Variants in PLAC1 observed in about 807,000 individuals in gnomAD.
The protein encoded by PLAC1 is placenta associated 1, also known as placenta-specific protein 1.
For missense variants in PLAC1, 136 were observed against 163.2 expected, an observed-to-expected ratio of 0.83 and a Z score of 0.91; for synonymous variants, 68 against 62.1, an observed-to-expected ratio of 1.09 and a Z score of -0.44.
chrX:134,656,610 G>A (rs1318049371), intron 1 of PLAC1, among the ~76,000 whole-genome samples: 2 of 110,786 alleles, frequency 1.8e-5, no homozygotes, highest in Admixed American at 1.9e-4. Flanking sequence ...TTTGAGATGC[G>A]GTTGTGCTCT....
At chrX:134,578,487 G>A (rs1458822295) in intron 2 of PLAC1, among the ~76,000 whole-genome samples, 35 of 104,191 alleles carry the variant, frequency 3.4e-4, no homozygotes, top group Non-Finnish European at 6.1e-4. Flanking sequence ...CCTGGGGGTG[G>A]GGCAGTGGAA....
chrX:134,687,832 A>G (rs1466748613), intron 2 of PLAC1, among the ~76,000 whole-genome samples: 1 of 39,709 alleles, frequency 2.5e-5, no homozygotes, highest in African/African-American at 9.1e-5. Context: ...ATATATATAT[A>G]TATATATATA....
intron 2 of PLAC1, among the ~76,000 whole-genome samples, chrX:134,588,439 T>C (rs1453077338): frequency 9.1e-6 from 1 of 109,555 alleles, no homozygotes; most frequent in Non-Finnish European, 1.9e-5. Context: ...TTTTCTGTTA[T>C]GTGTGTGCTG....
At chrX:134,675,437 G>A (rs889205555) in intron 2 of PLAC1, among the ~76,000 whole-genome samples, 7 of 111,880 alleles carry the variant, frequency 6.3e-5, no homozygotes, top group East Asian at 2.8e-4. Context: ...AGGCCGAGGC[G>A]GGTGGATCAC....
chrX:134,622,245 G>A (rs982758817), intron 1 of PLAC1, among the ~76,000 whole-genome samples: 5 of 111,989 alleles, frequency 4.5e-5, no homozygotes, highest in Non-Finnish European at 9.4e-5. Context: ...GGTGCTGAGC[G>A]GGGACAGCCT....
At chrX:134,712,087 G>A (rs1056602157) in intron 2 of PLAC1, among the ~76,000 whole-genome samples, 2 of 111,550 alleles carry the variant, frequency 1.8e-5, no homozygotes, top group Non-Finnish European at 3.8e-5. Flanking sequence ...TCAAGCAGCA[G>A]TGGGAGAGTA....
intron 2 of PLAC1, among the ~76,000 whole-genome samples, chrX:134,689,870 TA>T (rs2078530553): frequency 8.9e-6 from 1 of 112,639 alleles, no homozygotes; most frequent in African/African-American, 3.2e-5. Flanking sequence ...AAAATATACA[TA>T]ACATAAAATT....
chrX:134,714,343 C>A (rs1334787404), intron 2 of PLAC1, among the ~76,000 whole-genome samples: 1 of 109,145 alleles, frequency 9.2e-6, no homozygotes, highest in Non-Finnish European at 1.9e-5. Flanking sequence ...CCCTCTCTCT[C>A]TCCCCTTCCC....
rs143832171 is a variant in PLAC1 at position 134,744,485 on chromosome X, G to T, written n.90-10966C>A. Among the ~76,000 whole-genome samples, 364 of 111,329 alleles carry T rather than the reference G, an allele frequency of 3.3e-3. 1 individual carries two copies. Among genetic ancestry groups the T allele is most frequent in the Middle Eastern group, 0.014 (3 of 218 alleles). ...ATTTCTCCAAGCCTCTGTTGCCACTGCTGTAAAATGGGAATTATCATAATA... is the reference window on the plus strand; with the variant it reads ...ATTTCTCCAAGCCTCTGTTGCCACTTCTGTAAAATGGGAATTATCATAATA... On this transcript the variant is annotated intron_variant and non_coding_transcript_variant, in intron 1 of 2. Transcript: ENST00000466797.
chrX:134,716,597 G>A (rs1199378078), intron 2 of PLAC1, among the ~76,000 whole-genome samples: 3 of 112,366 alleles, frequency 2.7e-5, no homozygotes, highest in Admixed American at 9.4e-5. Context: ...GCAAATGGAT[G>A]TATTATCCAG....
chrX:134,638,961 A>G (rs1482627543), intron 1 of PLAC1, among the ~76,000 whole-genome samples: 1 of 111,333 alleles, frequency 9.0e-6, no homozygotes, highest in African/African-American at 3.3e-5. Flanking sequence ...GTTAGGCCCC[A>G]GTGTCTGCTG....
intron 2 of PLAC1, among the ~76,000 whole-genome samples, chrX:134,690,599 T>C (rs1389511177): frequency 1.8e-5 from 2 of 110,501 alleles, no homozygotes; most frequent in Non-Finnish European, 3.8e-5. Flanking sequence ...GCTCCAGGTC[T>C]ACACCTTTTT....
chrX:134,687,992 C>T (rs1162834669), intron 2 of PLAC1, among the ~76,000 whole-genome samples: 2 of 104,930 alleles, frequency 1.9e-5, no homozygotes, highest in Non-Finnish European at 3.9e-5. Flanking sequence ...AGCCTGTAGA[C>T]TATCAAAAGT....
chrX:134,755,772 T>C (rs997487558), intron 1 of PLAC1, among the ~76,000 whole-genome samples: 2 of 110,511 alleles, frequency 1.8e-5, no homozygotes, highest in Non-Finnish European at 3.8e-5. Context: ...TCTTTATATG[T>C]TTGGGATATT....
chrX:134,634,324 T>C (rs1298044260), intron 1 of PLAC1, among the ~76,000 whole-genome samples: 1 of 112,055 alleles, frequency 8.9e-6, no homozygotes, highest in African/African-American at 3.2e-5. Flanking sequence ...TGAGTCTGAG[T>C]TATGCCTGGA....
intron 1 of PLAC1, among the ~76,000 whole-genome samples, chrX:134,652,569 G>A (rs936481240): frequency 1.8e-5 from 2 of 111,647 alleles, no homozygotes; most frequent in African/African-American, 6.5e-5. Flanking sequence ...GGGCTTGGGT[G>A]AGGAAAAGTA....
chrX:134,720,293 A>AC (rs2078654071), intron 2 of PLAC1, among the ~76,000 whole-genome samples: 1 of 112,380 alleles, frequency 8.9e-6, no homozygotes, highest in Non-Finnish European at 1.9e-5. Flanking sequence ...GAAGTGCAAA[A>AC]CTTGTACACT....
intron 2 of PLAC1, among the ~76,000 whole-genome samples, chrX:134,597,809 C>A (rs973241899): frequency 3.6e-5 from 4 of 111,428 alleles, no homozygotes; most frequent in African/African-American, 1.3e-4. Context: ...CTAGGATGCC[C>A]CTTTTCTGGT....
At chrX:134,626,100 C>T (rs1413427618) in intron 1 of PLAC1, among the ~76,000 whole-genome samples, 1 of 111,415 alleles carries the variant, frequency 9.0e-6, no homozygotes, top group African/African-American at 3.3e-5. Context: ...GAGCCTGAAT[C>T]CCAAAAGTGC....
Sources: gnomAD v4.1 joint callset for allele counts (sites outside exome capture counted in the v4.1 genomes callset) on GRCh38, gnomAD v4.1.1 for gene constraint, MANE v1.5 for transcripts, NCBI Gene and HGNC (gene_info 2026-07-23, HGNC 2026-07-21) for gene names.